SYNJ2: variants seen among roughly 807,000 people sequenced by gnomAD.
SYNJ2 encodes polyphosphatidylinositol phosphatase SYNJ2.
Under a neutral mutation model 141.3 loss-of-function variants are expected in SYNJ2, and 116 were observed. That is an observed-to-expected ratio of 0.82 (90% CI 0.71 to 0.96). The LOEUF (loss-of-function observed/expected upper bound fraction) is 0.96, where lower values mean the gene tolerates loss of function less well. Ranked by LOEUF, SYNJ2 falls within the 40% of genes least tolerant of loss-of-function variation. SYNJ2 has a pLI of 0.00. For synonymous variants in SYNJ2, 745 were observed against 777.7 expected (o/e 0.96, Z 0.70); for missense variants, 1,873 against 1,934.8 (o/e 0.97, Z 0.60).
chr6:158,078,179 T>A lies in SYNJ2; in HGVS notation c.2465T>A (p.Leu822His). The change falls in exon 18 of 27, where the codon CTT (leucine) becomes CAT (histidine). Residue 822 changes from leucine (L) to histidine (H), a missense_variant. By Grantham distance (99) the Leu-to-His change is moderately conservative. Transcript: ENST00000355585. The stretch of plus-strand genomic sequence containing the variant: ...CTGCGAGTAGCTGGAGAACTCAACC[T>A]TCTAGACAGTGATCTAGATGTTGAC... ...PFDKTAGELN[L>H]LDSDLDVDTK... 2 of 1,612,448 alleles carry A rather than the reference T, an allele frequency of 1.2e-6. No homozygotes were observed. The highest frequency in any genetic ancestry group is 1.7e-6 in the Non-Finnish European group (2 of 1,178,514).
intron 1 of SYNJ2, among the ~76,000 whole-genome samples, chr6:158,007,626 G>A (rs1778122474): frequency 6.6e-6 from 1 of 152,104 alleles, no homozygotes; most frequent in South Asian, 2.1e-4. Flanking sequence ...TGTGATAATG[G>A]TATTGTGGTT....
At chr6:158,067,597 G>A (rs1781646449) in intron 12 of SYNJ2, 3 of 985,284 alleles carry the variant, frequency 3.0e-6, no homozygotes, top group Non-Finnish European at 3.6e-6. Flanking sequence ...TTGGACTCAG[G>A]AACTTGTGGT....
rs138729848 is a variant in SYNJ2 at position 158,046,051 on chromosome 6, T to C, written c.795+2652T>C. 1.9e-3 allele frequency among the ~76,000 whole-genome samples: 294 copies of C among 152,334 alleles called. 1 individual carries two copies. Among genetic ancestry groups the C allele is most frequent in the African/African-American group, 6.7e-3 (279 of 41,580 alleles). ...TCCACTTCCTGGGTTCAAGAGATTC[T>C]CCTGCCTCAGCCTCACAAGTAGCTG... On this transcript the variant is annotated intron_variant, in intron 5 of 26. Transcript: ENST00000355585.
chr6:158,071,452 G>A lies in SYNJ2; in HGVS notation c.1941-150G>A. The A allele has an allele frequency of 1.2e-6, 1 of 854,124 alleles. No homozygotes were observed. Among genetic ancestry groups the A allele is most frequent in the Non-Finnish European group, 1.8e-6 (1 of 569,938 alleles). The allele number at this position is 854,124 out of a possible 1,614,324, so 52.9% of individuals were successfully genotyped here. On this transcript the variant is annotated intron_variant, in intron 14 of 26. Transcript: ENST00000355585. This position sits in a 1 kb window ranked among gnomAD's most constrained non-coding sequence, Gnocchi z 4.3. ...GGCGGCCTCCTGACCAGGAGTCGAT[G>A]ACGGCCACGGTGGCCACTGTGTTGA...
Position 158,070,161 on chromosome 6 carries a change from C to T in SYNJ2, c.1940+488C>T. 1 of 985,784 alleles carries T rather than the reference C, an allele frequency of 1.0e-6. No individual in the cohort carries two copies. Among genetic ancestry groups the T allele is most frequent in the Middle Eastern group, 5.2e-4 (1 of 1,914 alleles). 61.1% of individuals were successfully genotyped at this position (985,784 alleles called of 1,614,324 possible). On this transcript the variant is annotated intron_variant, in intron 14 of 26. Transcript: ENST00000355585. The surrounding 1 kb of genome is among the most constrained non-coding windows in gnomAD (Gnocchi z 4.0). The stretch of plus-strand genomic sequence containing the variant: ...GGGGGCGAGCTTAGGGGCGGCATTC[C>T]TCTTGGGGTGTGGGTGTGGGTGTTT...
chr6:158,029,887 G>C, intron 3 of SYNJ2, among the ~76,000 whole-genome samples: 1 of 152,146 alleles, frequency 6.6e-6, no homozygotes, highest in East Asian at 1.9e-4. Flanking sequence ...ATAGTCGAGG[G>C]AATTTTGCCA....
intron 1 of SYNJ2, chr6:158,001,197 A>G (rs1777840396): frequency 6.6e-6 from 1 of 152,250 alleles, no homozygotes; most frequent in Non-Finnish European, 1.5e-5. Context: ...AAACACAGCC[A>G]TCTTGACTGT....
chr6:158,062,148 G>C lies in SYNJ2; in HGVS notation c.1111G>C (p.Glu371Gln). ...WEDFDVFTKG[E>Q]NVSPRFQKGT... ...AGACTTCGATGTGTTCACAAAGGGG[G>C]AGAACGTCAGTCCACGGTGAGGCTC... The change falls in exon 8 of 27, where the codon GAG (glutamate) becomes CAG (glutamine). Residue 371 changes from glutamate (E) to glutamine (Q), a missense_variant. Physicochemically the swap from Glu to Gln is conservative, Grantham distance 29 (BLOSUM62 2). Coordinates refer to ENST00000355585, the MANE Select transcript of SYNJ2 (RefSeq NM_003898.4). The C allele has an allele frequency of 1.9e-6, 3 of 1,613,756 alleles. No homozygotes were observed. The highest frequency in any genetic ancestry group is 2.5e-6 in the Non-Finnish European group (3 of 1,179,900).
In SYNJ2 at chr6:158,071,454, C is replaced by A. The variant is rs888774527; in HGVS notation, c.1941-148C>A. ...CGGCCTCCTGACCAGGAGTCGATGA[C>A]GGCCACGGTGGCCACTGTGTTGAGC... is the stretch of plus-strand genomic sequence containing the variant. On this transcript the variant is annotated intron_variant, in intron 14 of 26. Coordinates refer to ENST00000355585, the MANE Select transcript of SYNJ2 (RefSeq NM_003898.4). This position sits in a 1 kb window ranked among gnomAD's most constrained non-coding sequence, Gnocchi z 4.3. 1 of 875,842 alleles carries A rather than the reference C, an allele frequency of 1.1e-6. No individual in the cohort carries two copies. Among genetic ancestry groups the A allele is most frequent in the Non-Finnish European group, 1.7e-6 (1 of 589,516 alleles). 54.3% of individuals were successfully genotyped at this position (875,842 alleles called of 1,614,324 possible). A position where few individuals can be genotyped will look rare whatever the true frequency, so the allele number is the denominator to read the frequency against.
chr6:158,032,488 G>C (rs575772777), intron 3 of SYNJ2, among the ~76,000 whole-genome samples: 1 of 152,206 alleles, frequency 6.6e-6, no homozygotes, highest in Non-Finnish European at 1.5e-5. Context: ...AGGTCCCCTG[G>C]GTGCTAAAGC....
chr6:158,049,240 G>C (rs1005482201), intron 5 of SYNJ2, among the ~76,000 whole-genome samples: 1 of 152,140 alleles, frequency 6.6e-6, no homozygotes, highest in African/African-American at 2.4e-5. Context: ...CCAGAGGGGA[G>C]GAGGACGGGG....
intron 9 of SYNJ2, 108 bp from the exon 10 acceptor site, chr6:158,064,493 C>G: frequency 7.1e-7 from 1 of 1,402,748 alleles, no homozygotes. Flanking sequence ...ACAGAGTCTT[C>G]CAGGCACAGC....
chr6:158,081,567 T>A, intron 20 of SYNJ2, 57 bp downstream of exon 20: 3 of 1,241,978 alleles, frequency 2.4e-6, no homozygotes, highest in Non-Finnish European at 3.5e-6. Flanking sequence ...TCTTTTTATG[T>A]GGGCATGTCT....
Position 158,093,107 on chromosome 6 carries a change from A to G in SYNJ2, c.3744+3A>G, listed in dbSNP as rs1783574480. 6.2e-7 allele frequency: 1 copy of G among 1,608,678 alleles called. No individual in the cohort carries two copies. Among genetic ancestry groups the G allele is most frequent in the South Asian group, 1.1e-5 (1 of 90,504 alleles). On this transcript the variant is annotated splice_donor_region_variant and intron_variant, in intron 26 of 26. Transcript: ENST00000355585. ...CAACCTTGAGAAGGACAGGAAAGGTAAAAGCCTGGTAACATAAAACCTCTT... is the reference window on the plus strand; with the variant it reads ...CAACCTTGAGAAGGACAGGAAAGGTGAAAGCCTGGTAACATAAAACCTCTT...
At chr6:158,024,807 G>A (rs73015978) in intron 2 of SYNJ2, among the ~76,000 whole-genome samples, 1 of 152,252 alleles carries the variant, frequency 6.6e-6, no homozygotes, top group South Asian at 2.1e-4. Flanking sequence ...GTAAGAAAGA[G>A]CATGCTCCTG....
intron 2 of SYNJ2, among the ~76,000 whole-genome samples, chr6:158,025,533 C>G (rs1230326474): frequency 6.6e-6 from 1 of 151,598 alleles, no homozygotes; most frequent in Non-Finnish European, 1.5e-5. Context: ...AAAAATTAGC[C>G]GGTATAATCC....
At chr6:158,060,173 CTCCTGGA>C (rs1781127278) in intron 7 of SYNJ2, among the ~76,000 whole-genome samples, 1 of 152,188 alleles carries the variant, frequency 6.6e-6, no homozygotes, top group African/African-American at 2.4e-5. Flanking sequence ...TTCATGGCAG[CTCCTGGA>C]CCTGCTGCTG....
At chr6:158,003,174 G>A (rs528466581) in intron 1 of SYNJ2, among the ~76,000 whole-genome samples, 1 of 152,358 alleles carries the variant, frequency 6.6e-6, no homozygotes, top group South Asian at 2.1e-4. Flanking sequence ...TGCTGAGGGT[G>A]ATGTGTTCTG....
chr6:158,009,968 G>A (rs933323222), intron 1 of SYNJ2, among the ~76,000 whole-genome samples: 1 of 152,222 alleles, frequency 6.6e-6, no homozygotes, highest in African/African-American at 2.4e-5. Context: ...TTTTGAGACA[G>A]GGTAGTGGTA....
Sources: gnomAD v4.1 joint callset for allele counts (sites outside exome capture counted in the v4.1 genomes callset) on GRCh38, gnomAD v4.1.1 for gene constraint, Gnocchi (gnomAD v3.1) non-coding constraint, MANE v1.5 for transcripts, NCBI Gene and HGNC (gene_info 2026-07-23, HGNC 2026-07-21) for gene names.